Variants in CSMD3 observed in about 807,000 individuals in gnomAD.
The protein encoded by CSMD3 is CUB and Sushi multiple domains 3, also known as CUB and sushi domain-containing protein 3.
A neutral mutation model predicts 435.2 loss-of-function variants in CSMD3; 177 were observed. The ratio of observed to expected loss-of-function variants is 0.41; its 90% CI spans 0.36 to 0.46. The LOEUF (loss-of-function observed/expected upper bound fraction) is 0.46. Ranked by LOEUF, CSMD3 falls within the 20% of genes least tolerant of loss-of-function variation. The pLI is 0.34. For missense variants in CSMD3, 4,265 were observed against 4,504.6 expected, an observed-to-expected ratio of 0.95 and a Z score of 1.52; for synonymous variants, 1,656 against 1,520.5, an observed-to-expected ratio of 1.09 and a Z score of -2.07.
intron 59 of CSMD3, among the ~76,000 whole-genome samples, chr8:112,272,732 G>C (rs1197653292): frequency 3.9e-5 from 6 of 152,230 alleles, no homozygotes; most frequent in Non-Finnish European, 7.4e-5. Context: ...GCAAATGAAT[G>C]AGAAGGAATC....
intron 22 of CSMD3, among the ~76,000 whole-genome samples, chr8:112,627,189 T>C (rs1209301726): frequency 2.0e-5 from 3 of 152,120 alleles, no homozygotes; most frequent in African/African-American, 4.8e-5. Flanking sequence ...TATTATAACA[T>C]TTATTTTTGC....
At chr8:112,722,557 G>A (rs985926706) in intron 13 of CSMD3, among the ~76,000 whole-genome samples, 4 of 152,088 alleles carry the variant, frequency 2.6e-5, no homozygotes, top group African/African-American at 9.7e-5. Flanking sequence ...GCATGCACAC[G>A]AGCCTGTGTG....
intron 5 of CSMD3, among the ~76,000 whole-genome samples, chr8:113,077,344 CA>C (rs574331873): frequency 1.0e-3 from 148 of 143,190 alleles, no homozygotes; most frequent in South Asian, 3.1e-3. Flanking sequence ...TTACTAAAAG[CA>C]AAAAAAAAAT....
At chr8:112,293,752 G>A (rs1302218920) in intron 54 of CSMD3, among the ~76,000 whole-genome samples, 1 of 151,996 alleles carries the variant, frequency 6.6e-6, no homozygotes, top group Non-Finnish European at 1.5e-5. Flanking sequence ...ATTAATCAGA[G>A]CAACTTCAGT....
chr8:112,877,269 T>C (rs2081311017), intron 10 of CSMD3, among the ~76,000 whole-genome samples: 1 of 131,034 alleles, frequency 7.6e-6, no homozygotes, highest in African/African-American at 3.1e-5. Flanking sequence ...TTTAAATTTC[T>C]TTTTTTTTTT....
chr8:112,480,116 GATT>G (rs1819492043), intron 31 of CSMD3, among the ~76,000 whole-genome samples: 3 of 152,234 alleles, frequency 2.0e-5, no homozygotes, highest in South Asian at 4.1e-4. Flanking sequence ...AGTGAAAGAA[GATT>G]ATTTTGGAAC....
chr8:113,328,119 A>C (rs959001876), intron 1 of CSMD3, among the ~76,000 whole-genome samples: 4 of 151,878 alleles, frequency 2.6e-5, no homozygotes, highest in East Asian at 1.9e-4. Context: ...ACACACACAC[A>C]CCAGAGAGAA....
chr8:112,787,278 A>G (rs1196444636), intron 13 of CSMD3, among the ~76,000 whole-genome samples: 1 of 152,122 alleles, frequency 6.6e-6, no homozygotes, highest in Non-Finnish European at 1.5e-5. Flanking sequence ...CAAATGATAT[A>G]AAAATGAATT....
chr8:113,027,840 G>A lies in CSMD3; in HGVS notation c.918-8661C>T, dbSNP rs1158947185. Among the ~76,000 whole-genome samples the A allele has an allele frequency of 2.6e-5, 4 of 151,808 alleles. No homozygotes were observed. In the East Asian group the frequency reaches 5.8e-4, roughly 22 times the overall value. ...TAGATGAATTCTCTTATAAAAAATG[G>A]ATCTTATAGATCTGGGTTCCTTTTA... On this transcript the variant is annotated intron_variant, in intron 5 of 70. Coordinates refer to ENST00000297405, the MANE Select transcript of CSMD3 (RefSeq NM_198123.2).
chr8:113,150,865 G>A (rs1219672462), intron 4 of CSMD3, among the ~76,000 whole-genome samples: 3 of 151,824 alleles, frequency 2.0e-5, no homozygotes, highest in Admixed American at 1.3e-4. Context: ...TCGTTCTTTC[G>A]GTTCTATATC....
intron 8 of CSMD3, among the ~76,000 whole-genome samples, chr8:112,948,237 A>C (rs1193793625): frequency 2.0e-5 from 3 of 151,988 alleles, no homozygotes; most frequent in Non-Finnish European, 4.4e-5. Context: ...CAAAGAAGTC[A>C]ACCACCAGTT....
chr8:113,277,706 T>C (rs910224983), intron 3 of CSMD3, among the ~76,000 whole-genome samples: 9 of 151,920 alleles, frequency 5.9e-5, no homozygotes, highest in Non-Finnish European at 7.4e-5. Flanking sequence ...CCTGGGGAGA[T>C]GAATTGAAAT....
At chr8:112,550,422 A>G (rs1177371361) in intron 27 of CSMD3, among the ~76,000 whole-genome samples, 1 of 151,872 alleles carries the variant, frequency 6.6e-6, no homozygotes, top group East Asian at 1.9e-4. Context: ...GTAATTTAAC[A>G]CCACTTTTAC....
chr8:113,034,691 T>G (rs1409047151), intron 5 of CSMD3, among the ~76,000 whole-genome samples: 1 of 152,072 alleles, frequency 6.6e-6, no homozygotes, highest in Non-Finnish European at 1.5e-5. Context: ...ATATGTAAAT[T>G]ATATCTCAGC....
chr8:112,737,161 GAAGGTAAAGAGTGGGCAATTATAGATAA>G (rs2077204580), intron 13 of CSMD3, among the ~76,000 whole-genome samples: 1 of 151,914 alleles, frequency 6.6e-6, no homozygotes, highest in Admixed American at 6.6e-5. Flanking sequence ...CAATTTACTT[GAAGGTAAAGAGTGGGCAATTATAGATAA>G]AAGAATACAA....
In CSMD3 at chr8:112,273,692, C is replaced by T. The variant is rs910852088; in HGVS notation, c.9508+7482G>A. The stretch of plus-strand genomic sequence containing the variant: ...AGTGAGCCGAGATCATGCCACTGCA[C>T]TCCAGCCTGGGTGACAGAGTGAGAC... On this transcript the variant is annotated intron_variant, in intron 59 of 70. Transcript: ENST00000297405. Among the ~76,000 whole-genome samples, 4 of 145,286 alleles carry T rather than the reference C, an allele frequency of 2.8e-5. No homozygotes were observed. The Admixed American group carries it at 2.8e-4, about 10-fold the overall frequency.
chr8:112,928,432 A>T (rs1443212835), intron 9 of CSMD3, among the ~76,000 whole-genome samples: 1 of 152,110 alleles, frequency 6.6e-6, no homozygotes, highest in African/African-American at 2.4e-5. Flanking sequence ...ATCCTCAAAA[A>T]TCCTTGCTAT....
chr8:113,268,559 G>A (rs1252975959), intron 3 of CSMD3, among the ~76,000 whole-genome samples: 1 of 151,814 alleles, frequency 6.6e-6, no homozygotes, highest in African/African-American at 2.4e-5. Context: ...AGATTCGACT[G>A]CAAGAAGTTT....
chr8:112,274,917 TTAAC>T (rs991801298), intron 59 of CSMD3, among the ~76,000 whole-genome samples: 5 of 152,208 alleles, frequency 3.3e-5, no homozygotes, highest in African/African-American at 7.2e-5. Flanking sequence ...TTAAAGTTGT[TTAAC>T]TACGCTGCGT....
Sources: allele counts gnomAD v4.1 joint callset (sites outside exome capture counted in the v4.1 genomes callset), GRCh38; gene constraint gnomAD v4.1.1; transcripts MANE v1.5; gene names NCBI Gene and HGNC (gene_info 2026-07-23, HGNC 2026-07-21).